The following ARL6 variants were observed in gnomAD, a reference collection of about 807,000 sequenced individuals.
ARL6 encodes the protein ADP-ribosylation factor-like protein 6.
A neutral mutation model predicts 27.1 loss-of-function variants in ARL6; 18 were observed. The ratio of observed to expected loss-of-function variants is 0.66; its 90% CI spans 0.46 to 0.98. The LOEUF is 0.98. Ranked by LOEUF, ARL6 falls within the 50% of genes least tolerant of loss-of-function variation. The probability of loss-of-function intolerance (pLI) is 0.00; values close to 1 mark genes in which losing one functional copy is unlikely to be tolerated. For synonymous variants in ARL6, 65 were observed against 72.3 expected, an observed-to-expected ratio of 0.90 and a Z score of 0.51; for missense variants, 187 against 214.9, an observed-to-expected ratio of 0.87 and a Z score of 0.81.
intron 7 of ARL6, among the ~76,000 whole-genome samples, chr3:97,796,310 A>G (rs1157112748): frequency 6.6e-6 from 1 of 152,156 alleles, no homozygotes; most frequent in Non-Finnish European, 1.5e-5. Context: ...GAATAAAGGC[A>G]GTAAACTACT....
chr3:97,795,932 C>T (rs1371435567), intron 7 of ARL6, among the ~76,000 whole-genome samples: 1 of 152,102 alleles, frequency 6.6e-6, no homozygotes, highest in Non-Finnish European at 1.5e-5. Flanking sequence ...TCCCAGAAAA[C>T]AATGACAGTA....
At chr3:97,773,361 C>T (rs1170196588) in intron 2 of ARL6, among the ~76,000 whole-genome samples, 1 of 152,120 alleles carries the variant, frequency 6.6e-6, no homozygotes, top group Non-Finnish European at 1.5e-5. Context: ...CTTTCCCAGC[C>T]CACTGACTCA....
chr3:97,790,406 G>A lies in ARL6; in HGVS notation c.480-1365G>A, dbSNP rs971529814. On this transcript the variant is annotated intron_variant, in intron 6 of 7. Transcript: ENST00000463745. The stretch of plus-strand genomic sequence containing the variant: ...GAGCAGAGAAATCTAAGGGGAAATT[G>A]TAGGAAATGAGGCCACTGAGAAATA... Among the ~76,000 whole-genome samples the A allele has an allele frequency of 2.0e-5, 3 of 152,206 alleles. No individual in the cohort carries two copies. The South Asian group carries it at 6.2e-4, about 32-fold the overall frequency.
chr3:97,789,050 A>G (rs904569455), intron 6 of ARL6, among the ~76,000 whole-genome samples: 3 of 152,172 alleles, frequency 2.0e-5, no homozygotes, highest in Non-Finnish European at 4.4e-5. Context: ...AGGAGGTCAT[A>G]GAGTTCAGAA....
intron 3 of ARL6, among the ~76,000 whole-genome samples, 176 bp downstream of exon 3, chr3:97,780,396 A>G (rs911981509): frequency 1.3e-5 from 2 of 152,224 alleles, no homozygotes; most frequent in Non-Finnish European, 2.9e-5. Flanking sequence ...GAGTTTAGAC[A>G]AACTCTGATA....
intron 2 of ARL6, among the ~76,000 whole-genome samples, chr3:97,777,260 CTGTTTATGTTGG>C (rs376432000): frequency 6.6e-5 from 10 of 152,146 alleles, no homozygotes; most frequent in Middle Eastern, 3.4e-3. Context: ...TATTCTGTTC[CTGTTTATGTTGG>C]TGTATCCTTG....
At chr3:97,776,785 T>C (rs2036928213) in intron 2 of ARL6, among the ~76,000 whole-genome samples, 1 of 152,040 alleles carries the variant, frequency 6.6e-6, no homozygotes. Flanking sequence ...GTCTCCTGAG[T>C]AGCTGGGATT....
chr3:97,765,158 G>T (rs1210494683), intron 1 of ARL6, among the ~76,000 whole-genome samples, 181 bp downstream of exon 1: 1 of 151,894 alleles, frequency 6.6e-6, no homozygotes. Flanking sequence ...TGGTTTGGAC[G>T]TATGTTTGGT....
rs201105839 is a variant in ARL6 at position 97,798,026 on chromosome 3, C to T, written c.538C>T (p.Gln180Ter). The T allele has an allele frequency of 8.1e-6, 13 of 1,612,844 alleles. No homozygotes were observed. The highest frequency in any genetic ancestry group is 1.1e-5 in the Non-Finnish European group (13 of 1,179,160). The change falls in exon 8 of 8, where the codon CAG (glutamine) becomes TAG (stop). Residue 180 changes from glutamine (Q) to a stop codon, truncating the protein, a stop_gained and splice_region_variant. Coordinates refer to ENST00000463745, the MANE Select transcript of ARL6 (RefSeq NM_001278293.3). LOFTEE classifies it high-confidence loss of function. ...TTTTGTTTGTTTTTTGTTATCAGAT[C>T]AGATCCAGACTGTGAAGACATGAAA... ...LQEGVDWLQD[Q>*]IQTVKT
At position 97,766,354 on chromosome 3, in the gene ARL6, T is replaced by C. The variant is rs112171312; in HGVS notation, c.-28+1377T>C. Among the ~76,000 whole-genome samples the C allele has an allele frequency of 6.8e-3, 1,033 of 152,332 alleles. 8 individuals are homozygous for C. The highest frequency in any genetic ancestry group is 0.023 in the African/African-American group (970 of 41,572). The stretch of plus-strand genomic sequence containing the variant: ...GTTAATTTAAAATAGATTTTACAAA[T>C]GCTGGTCCTTAAGCTGTAATTTAAA... On this transcript the variant is annotated intron_variant, in intron 1 of 7. Coordinates refer to ENST00000463745, the MANE Select transcript of ARL6 (RefSeq NM_001278293.3).
chr3:97,767,895 G>A (rs193148416), intron 1 of ARL6, among the ~76,000 whole-genome samples, 186 bp from the exon 2 acceptor site: 2 of 152,120 alleles, frequency 1.3e-5, no homozygotes, highest in Non-Finnish European at 2.9e-5. Context: ...GCAAATCTGC[G>A]TGTCAGTTAA....
At chr3:97,788,767 G>A (rs887623045) in intron 6 of ARL6, among the ~76,000 whole-genome samples, 1 of 152,122 alleles carries the variant, frequency 6.6e-6, no homozygotes, top group Admixed American at 6.5e-5. Flanking sequence ...TGCATTGTTT[G>A]TTTGGAAAAC....
At chr3:97,774,395 C>T (rs1002940409) in intron 2 of ARL6, among the ~76,000 whole-genome samples, 1 of 151,760 alleles carries the variant, frequency 6.6e-6, no homozygotes, top group African/African-American at 2.4e-5. Context: ...GGAGAATCAA[C>T]ATTATCTTGC....
At chr3:97,776,074 C>T (rs940226719) in intron 2 of ARL6, among the ~76,000 whole-genome samples, 1 of 152,176 alleles carries the variant, frequency 6.6e-6, no homozygotes, top group Non-Finnish European at 1.5e-5. Context: ...GTCTTTCTCA[C>T]CCTTTAGCTC....
rs1430284656 is a variant in ARL6, at chr3:97,777,305, C to T, written c.124-2854C>T. 2.6e-5 allele frequency among the ~76,000 whole-genome samples: 4 copies of T among 152,020 alleles called. No individual in the cohort carries two copies. In the East Asian group the frequency reaches 7.7e-4, roughly 29 times the overall value. Reference sequence around the variant, plus strand: ...TTGAACTGTCTCAGAATGTTTTGTTCCACTAAGGCAATACGATAACCACAG... The same window carrying T: ...TTGAACTGTCTCAGAATGTTTTGTTTCACTAAGGCAATACGATAACCACAG... On this transcript the variant is annotated intron_variant, in intron 2 of 7. Transcript: ENST00000463745.
At chr3:97,792,359 T>G (rs1017227218) in intron 7 of ARL6, among the ~76,000 whole-genome samples, 11 of 152,134 alleles carry the variant, frequency 7.2e-5, no homozygotes, top group African/African-American at 2.7e-4. Context: ...GGTGTACACC[T>G]GTAAACCCAG....
chr3:97,775,454 T>C (rs1261932360), intron 2 of ARL6, among the ~76,000 whole-genome samples: 3 of 151,984 alleles, frequency 2.0e-5, no homozygotes, highest in Non-Finnish European at 2.9e-5. Context: ...GCCTAGCCTT[T>C]TCAGGTTTTT....
chr3:97,772,305 G>C (rs1559672183), intron 2 of ARL6, among the ~76,000 whole-genome samples: 1 of 151,980 alleles, frequency 6.6e-6, no homozygotes, highest in Admixed American at 6.6e-5. Flanking sequence ...CAATTTGTTG[G>C]CATGTAGTTT....
intron 1 of ARL6, among the ~76,000 whole-genome samples, chr3:97,767,650 G>A (rs2036447774): frequency 6.6e-6 from 1 of 152,146 alleles, no homozygotes; most frequent in African/African-American, 2.4e-5. Context: ...AAATCTGTCT[G>A]CTTTTCAGAT....
Sources: gnomAD v4.1 joint callset for allele counts (sites outside exome capture counted in the v4.1 genomes callset) on GRCh38, gnomAD v4.1.1 for gene constraint, MANE v1.5 for transcripts, NCBI Gene and HGNC (gene_info 2026-07-23, HGNC 2026-07-21) for gene names.